The following RBM12 variants were observed in gnomAD, a reference collection of about 807,000 sequenced individuals.
RBM12 encodes the protein RNA-binding protein 12.
RBM12 carries 24 observed loss-of-function variants against 37.2 expected under a neutral mutation model. The observed-to-expected ratio is 0.65, with a 90% CI of 0.47 to 0.91. The LOEUF is 0.91. RBM12 is among the 40% of genes least tolerant of loss of function. The probability of loss-of-function intolerance (pLI) is 0.00; values close to 1 mark genes in which losing one functional copy is unlikely to be tolerated. For synonymous variants in RBM12, 420 were observed against 425.2 expected, an observed-to-expected ratio of 0.99 and a Z score of 0.15; for missense variants, 1,061 against 1,183.2, an observed-to-expected ratio of 0.90 and a Z score of 1.52.
At position 35,652,667 on chromosome 20, in the gene RBM12, C is replaced by CT; in HGVS notation, c.2655dup (p.Val886SerfsTer7). 1 of 1,614,180 alleles carries CT rather than the reference C, an allele frequency of 6.2e-7. No homozygotes were observed. The highest frequency in any genetic ancestry group is 8.5e-7 in the Non-Finnish European group (1 of 1,180,016). On this transcript the variant is annotated frameshift_variant, in exon 3 of 3. Coordinates refer to ENST00000374114, the MANE Select transcript of RBM12 (RefSeq NM_006047.6). LOFTEE classifies it high-confidence loss of function. Reference sequence around the variant, plus strand: ...CCTTTTTCATTGTATTTTAAACACACTGAGCCTGGGATTACTTGATAGCCA... The same window carrying CT: ...CCTTTTTCATTGTATTTTAAACACACTTGAGCCTGGGATTACTTGATAGCCA...
In RBM12 at chr20:35,649,883, T is replaced by C. The variant is rs1349582655; in HGVS notation, c.*2641A>G. 6.6e-6 allele frequency: 1 copy of C among 152,312 alleles called. No homozygotes were observed. Among genetic ancestry groups the C allele is most frequent in the East Asian group, 1.9e-4 (1 of 5,204 alleles). 9.4% of individuals were successfully genotyped at this position (152,312 alleles called of 1,614,324 possible). A position where few individuals can be genotyped will look rare whatever the true frequency, so the allele number is the denominator to read the frequency against. On this transcript the variant is annotated 3_prime_UTR_variant, in exon 3 of 3. Coordinates refer to ENST00000374114, the MANE Select transcript of RBM12 (RefSeq NM_006047.6). ...ACACATAAAATTGAAAATATCATGA[T>C]AGTGTTTACAAATGCACACAACTTT...
rs542564329 is a variant in RBM12, at chr20:35,653,662, C to G, written c.1661G>C (p.Ser554Thr). 3 of 1,614,160 alleles carry G rather than the reference C, an allele frequency of 1.9e-6. No individual in the cohort carries two copies. The highest frequency in any genetic ancestry group is 2.5e-6 in the Non-Finnish European group (3 of 1,180,042). The change falls in exon 3 of 3, where the codon AGC (serine) becomes ACC (threonine). Residue 554 changes from serine (S) to threonine (T), a missense_variant. Coordinates refer to ENST00000374114, the MANE Select transcript of RBM12 (RefSeq NM_006047.6). ...CTGAAGAACATCCATCTTTGTAATG[C>G]TGAATGGAATATTTGTTATGTGGGC... ...VCAHITNIPF[S>T]ITKMDVLQFL...
Position 35,653,074 on chromosome 20 carries a change from G to A in RBM12, c.2249C>T (p.Ala750Val), listed in dbSNP as rs1405486053. Residue 750 changes from alanine (A) to valine (V), a missense_variant, in exon 3 of 3, where the codon GCT becomes GTT. Transcript: ENST00000374114. ...PGLGGGAFGD[A>V]RPGMPSVGNS... is the part of the protein sequence containing the mutation. ...TCCAACTGAAGGCATACCAGGCCTA[G>A]CATCACCAAAGGCCCCGCCTCCTAA... 1 of 1,613,820 alleles carries A rather than the reference G, an allele frequency of 6.2e-7. No individual in the cohort carries two copies. The highest frequency in any genetic ancestry group is 1.3e-5 in the African/African-American group (1 of 74,956).
At chr20:35,658,394 T>G (rs1248621232) in intron 2 of RBM12, among the ~76,000 whole-genome samples, 1 of 152,160 alleles carries the variant, frequency 6.6e-6, no homozygotes, top group African/African-American at 2.4e-5. Flanking sequence ...TCCATATAAA[T>G]GAAATTGACC....
chr20:35,662,315 C>A (rs2034275590), intron 1 of RBM12, among the ~76,000 whole-genome samples: 1 of 152,220 alleles, frequency 6.6e-6, no homozygotes, highest in Non-Finnish European at 1.5e-5. Flanking sequence ...ACCTAAACAA[C>A]CACATTCACT....
Position 35,651,395 on chromosome 20 carries a change from A to G in RBM12, c.*1129T>C, listed in dbSNP as rs2033505407. The G allele has an allele frequency of 6.6e-6, 1 of 152,246 alleles. No individual in the cohort carries two copies. The highest frequency in any genetic ancestry group is 2.4e-5 in the African/African-American group (1 of 41,470). 9.4% of individuals were successfully genotyped at this position (152,246 alleles called of 1,614,324 possible). ...CTCTGTATGAAGACTTTTAGTAAAC[A>G]GGCTCCTGATCGAACAACTATGCCA... On this transcript the variant is annotated 3_prime_UTR_variant, in exon 3 of 3. Transcript: ENST00000374114.
At position 35,664,878 on chromosome 20, in the gene RBM12, C is replaced by G. The variant is rs539728423; in HGVS notation, c.-226G>C. ...TTCCCGGAGCCCAACGCAGCCACCACCTCCTTCGCCGCTTCACAAAATGGC... is the reference window on the plus strand; with the variant it reads ...TTCCCGGAGCCCAACGCAGCCACCAGCTCCTTCGCCGCTTCACAAAATGGC... On this transcript the variant is annotated 5_prime_UTR_variant, in exon 1 of 3. Transcript: ENST00000374114. The G allele has an allele frequency of 6.6e-6, 1 of 152,496 alleles. No individual in the cohort carries two copies. Among genetic ancestry groups the G allele is most frequent in the South Asian group, 2.1e-4 (1 of 4,834 alleles). 9.4% of individuals were successfully genotyped at this position (152,496 alleles called of 1,614,324 possible). A position where few individuals can be genotyped will look rare whatever the true frequency, so the allele number is the denominator to read the frequency against.
chr20:35,653,332 C>T lies in RBM12; in HGVS notation c.1991G>A (p.Ser664Asn), dbSNP rs146881677. 1.9e-5 allele frequency: 30 copies of T among 1,613,934 alleles called. No individual in the cohort carries two copies. Among genetic ancestry groups the T allele is most frequent in the Non-Finnish European group, 2.5e-5 (29 of 1,179,988 alleles). The part of the protein sequence containing the change: ...NAGLPGVGLP[S>N]AGLPGAGLPS... ...CAGGCCTGCACCGGGAAGTCCTGCA[C>T]TGGGCAGTCCCACACCGGGCAGTCC... The change falls in exon 3 of 3, where the codon AGT (serine) becomes AAT (asparagine). Residue 664 changes from serine (S) to asparagine (N), a missense_variant. Ser to Asn is a conservative substitution (Grantham distance 46). Around this residue, in one of 3 missense-constraint regions of RBM12, gnomAD observed 517 missense variants for 534.0 expected, o/e 0.97. Coordinates refer to ENST00000374114, the MANE Select transcript of RBM12 (RefSeq NM_006047.6).
At chr20:35,659,203 C>G (rs931849769) in intron 1 of RBM12, among the ~76,000 whole-genome samples, 189 bp from the exon 2 acceptor site, 1 of 151,054 alleles carries the variant, frequency 6.6e-6, no homozygotes. Flanking sequence ...GTTGGTATTG[C>G]TTTCAAATTT....
intron 2 of RBM12, among the ~76,000 whole-genome samples, chr20:35,656,350 CA>C (rs1418438192): frequency 1.3e-5 from 2 of 152,026 alleles, no homozygotes; most frequent in Admixed American, 1.3e-4. Flanking sequence ...TTGACATAAT[CA>C]AAAAAGAAAT....
In RBM12 at chr20:35,654,677, T is replaced by TAGGTACTGGAGG. The variant is rs768937384; in HGVS notation, c.634_645dup (p.Pro212_Pro215dup). The TAGGTACTGGAGG allele has an allele frequency of 6.2e-7, 1 of 1,613,396 alleles. No homozygotes were observed. The highest frequency in any genetic ancestry group is 8.5e-7 in the Non-Finnish European group (1 of 1,179,478). On this transcript the variant is annotated inframe_insertion, in exon 3 of 3. Coordinates refer to ENST00000374114, the MANE Select transcript of RBM12 (RefSeq NM_006047.6). ...GGCACAGGAGGCACAGGAGGCAATG[T>TAGGTACTGGAGG]AGGTACTGGAGGAGGAACTGGAATT...
At position 35,652,853 on chromosome 20, in the gene RBM12, C is replaced by G. The variant is rs1161302187; in HGVS notation, c.2470G>C (p.Ala824Pro). The change falls in exon 3 of 3, where the codon GCT becomes CCT. Residue 824 changes from alanine to proline, a missense_variant. By Grantham distance (27) the Ala-to-Pro change is conservative. This residue lies in a region of RBM12 where 517 missense variants were observed against 534.0 expected (regional missense o/e 0.97). Coordinates refer to ENST00000374114, the MANE Select transcript of RBM12 (RefSeq NM_006047.6). ...CCGGGGCCGGGGCCAGGCCCAAAAG[C>G]TGGTGGCCCACCCAAATGCCCAGGG... is the stretch of plus-strand genomic sequence containing the variant. ...SAPGHLGGPP[A>P]FGPGPGPGPG... 3.1e-6 allele frequency: 5 copies of G among 1,610,860 alleles called. No individual in the cohort carries two copies. The African/African-American group carries it at 6.7e-5, about 22-fold the overall frequency.
At chr20:35,661,006 C>G (rs974069279) in intron 1 of RBM12, among the ~76,000 whole-genome samples, 1 of 152,220 alleles carries the variant, frequency 6.6e-6, no homozygotes, top group Admixed American at 6.5e-5. Flanking sequence ...AAAGGCCCAG[C>G]TGAATTTGAC....
chr20:35,661,957 G>C (rs1341534215), intron 1 of RBM12, among the ~76,000 whole-genome samples: 1 of 151,876 alleles, frequency 6.6e-6, no homozygotes, highest in East Asian at 1.9e-4. Context: ...AATCACAACG[G>C]GCACAATGCT....
chr20:35,652,625 C>T lies in RBM12; in HGVS notation c.2698G>A (p.Ala900Thr), dbSNP rs1241187751. 1 of 1,614,186 alleles carries T rather than the reference C, an allele frequency of 6.2e-7. No individual in the cohort carries two copies. The highest frequency in any genetic ancestry group is 8.5e-7 in the Non-Finnish European group (1 of 1,180,006). The change falls in exon 3 of 3, where the codon GCC becomes ACC. Residue 900 changes from alanine (A) to threonine (T), a missense_variant. Ala to Thr is a moderately conservative substitution (Grantham distance 58). Coordinates refer to ENST00000374114, the MANE Select transcript of RBM12 (RefSeq NM_006047.6). Reference protein sequence around the residue: ...YNEKGMPTGEAMVAFESRDEA... With the variant: ...YNEKGMPTGETMVAFESRDEA... ...TCCCGAGACTCAAAGGCCACCATGG[C>T]TTCACCTGTGGGCATACCTTTTTCA... is the stretch of plus-strand genomic sequence containing the variant.
At position 35,654,368 on chromosome 20, in the gene RBM12, C is replaced by A; in HGVS notation, c.955G>T (p.Asp319Tyr). The change falls in exon 3 of 3, where the codon GAT (aspartate) becomes TAT (tyrosine). Residue 319 changes from aspartate (D) to tyrosine (Y), a missense_variant. Asp to Tyr is a radical substitution (Grantham distance 160). Coordinates refer to ENST00000374114, the MANE Select transcript of RBM12 (RefSeq NM_006047.6). ...HGMPFSAMEN[D>Y]VRDFFHGLRV... Reference sequence around the variant, plus strand: ...AGCCCATGAAAAAAATCTCTGACATCATTTTCCATTGCAGAAAAGGGCATT... The same window carrying A: ...AGCCCATGAAAAAAATCTCTGACATAATTTTCCATTGCAGAAAAGGGCATT... 6.2e-7 allele frequency: 1 copy of A among 1,614,216 alleles called. No individual in the cohort carries two copies. Among genetic ancestry groups the A allele is most frequent in the Non-Finnish European group, 8.5e-7 (1 of 1,180,038 alleles).
rs1348065380 is a variant in RBM12, at chr20:35,650,757, G to C, written c.*1767C>G. On this transcript the variant is annotated 3_prime_UTR_variant, in exon 3 of 3. Coordinates refer to ENST00000374114, the MANE Select transcript of RBM12 (RefSeq NM_006047.6). ...AAAGCCTTTTCAAATCTTATCAAAT[G>C]AAACTGTTGCCACTCTTAAATTACA... 3 of 152,526 alleles carry C rather than the reference G, an allele frequency of 2.0e-5. No homozygotes were observed. The highest frequency in any genetic ancestry group is 7.2e-5 in the African/African-American group (3 of 41,408). 9.4% of individuals were successfully genotyped at this position (152,526 alleles called of 1,614,324 possible). A position where few individuals can be genotyped will look rare whatever the true frequency, so the allele number is the denominator to read the frequency against.
intron 1 of RBM12, among the ~76,000 whole-genome samples, chr20:35,663,818 T>C (rs1304537456): frequency 6.6e-6 from 1 of 152,096 alleles, no homozygotes; most frequent in African/African-American, 2.4e-5. Context: ...AACCTGTAGA[T>C]CCTCAAAGTC....
rs2033535278 is a variant in RBM12, at chr20:35,651,739, A to T, written c.*785T>A. 2.0e-5 allele frequency: 3 copies of T among 152,604 alleles called. No homozygotes were observed. The highest frequency in any genetic ancestry group is 7.2e-5 in the African/African-American group (3 of 41,444). 9.5% of individuals were successfully genotyped at this position (152,604 alleles called of 1,614,324 possible). A position where few individuals can be genotyped will look rare whatever the true frequency, so the allele number is the denominator to read the frequency against. ...ACAATTTTTAAACTGACTAACCTAA[A>T]TCGTGGCGGTCAAACCAAAAAGGCT... On this transcript the variant is annotated 3_prime_UTR_variant, in exon 3 of 3. Coordinates refer to ENST00000374114, the MANE Select transcript of RBM12 (RefSeq NM_006047.6).
Sources: allele counts gnomAD v4.1 joint callset (sites outside exome capture counted in the v4.1 genomes callset), GRCh38; gene constraint gnomAD v4.1.1; regional missense constraint gnomAD v4.1.1; transcripts MANE v1.5; gene names NCBI Gene and HGNC (gene_info 2026-07-23, HGNC 2026-07-21).